USP42: variants seen among roughly 807,000 people sequenced by gnomAD.
The protein encoded by USP42 is ubiquitin specific peptidase 42.
USP42 carries 23 observed loss-of-function variants against 113.0 expected under a neutral mutation model. The observed-to-expected ratio is 0.20, with a 90% CI of 0.15 to 0.29. The LOEUF is 0.29. USP42 is among the 10% of genes least tolerant of loss of function. The pLI is 1.00. For synonymous variants in USP42, 933 were observed against 699.0 expected, an observed-to-expected ratio of 1.33 and a Z score of -5.28; for missense variants, 2,174 against 1,779.8, an observed-to-expected ratio of 1.22 and a Z score of -3.99.
intron 3 of USP42, among the ~76,000 whole-genome samples, chr7:6,128,540 C>T (rs896871606): frequency 3.9e-5 from 6 of 152,108 alleles, no homozygotes; most frequent in East Asian, 3.8e-4. Context: ...CTGTAAACAG[C>T]GTATCGTTGG....
In USP42 at chr7:6,161,333, A is replaced by G. The variant is rs560672191; in HGVS notation, c.*815A>G. 17 of 152,690 alleles carry G rather than the reference A, an allele frequency of 1.1e-4. No homozygotes were observed. The highest frequency in any genetic ancestry group is 8.5e-4 in the Admixed American group (13 of 15,246). The allele number at this position is 152,690 out of a possible 1,614,324, so 9.5% of individuals were successfully genotyped here. ...ATTTTATTTTTAATATGGATATGCTATCAAACTGTGATACACTTATAATTC... is the reference window on the plus strand; with the variant it reads ...ATTTTATTTTTAATATGGATATGCTGTCAAACTGTGATACACTTATAATTC... On this transcript the variant is annotated 3_prime_UTR_variant, in exon 18 of 18. Transcript: ENST00000306177.
chr7:6,146,368 A>T (rs1229522768), intron 11 of USP42, 120 bp downstream of exon 11: 1 of 708,734 alleles, frequency 1.4e-6, no homozygotes, highest in Admixed American at 3.2e-5. Flanking sequence ...CAGCTTAAAG[A>T]TCAACTCTAG....
chr7:6,157,208 GC>G lies in USP42; in HGVS notation c.3943+154del. On this transcript the variant is annotated intron_variant, in intron 16 of 17. Coordinates refer to ENST00000306177, the MANE Select transcript of USP42 (RefSeq NM_032172.3). The surrounding 1 kb of genome is among the most constrained non-coding windows in gnomAD (Gnocchi z 4.1). ...CTGCCCTGCCTGGTCTGGCCTCAGT[GC>G]TCATCCCTGCAGTGTGGTTCCGTTG... 5 of 1,425,884 alleles carry G rather than the reference GC, an allele frequency of 3.5e-6. No homozygotes were observed. The highest frequency in any genetic ancestry group is 4.6e-6 in the Non-Finnish European group (5 of 1,095,032). 88.3% of individuals were successfully genotyped at this position (1,425,884 alleles called of 1,614,324 possible).
chr7:6,129,525 C>G (rs1780727144), intron 3 of USP42, among the ~76,000 whole-genome samples: 1 of 146,626 alleles, frequency 6.8e-6, no homozygotes, highest in Non-Finnish European at 1.5e-5. Context: ...CTACTGCACT[C>G]CAGGCTGGGT....
At chr7:6,083,475 C>G in the USP42 span, among the ~76,000 whole-genome samples, 2 of 149,786 alleles carry the variant, frequency 1.3e-5, no homozygotes, top group Non-Finnish European at 2.9e-5. Flanking sequence ...AGGCTGGTCT[C>G]AAACTCCTGA....
chr7:6,116,732 C>T (rs763013666), intron 3 of USP42: 39 of 530,618 alleles, frequency 7.3e-5, no homozygotes, highest in Non-Finnish European at 1.5e-4. Flanking sequence ...TCACCACCTA[C>T]CTAGGGGTGT....
At chr7:6,087,826 CAT>C in the USP42 span, among the ~76,000 whole-genome samples, 1 of 151,190 alleles carries the variant, frequency 6.6e-6, no homozygotes, top group African/African-American at 2.5e-5. Flanking sequence ...CCCAGAGGAA[CAT>C]ATGTTTGATA....
In USP42 at chr7:6,137,678, GT is replaced by G. The variant is rs1781220797; in HGVS notation, c.554-1409del. Reference sequence around the variant, plus strand: ...TGGCTATTTATACATGTATTTATTTGTTTTTATTCATTTATTTTTGAGATGG... The same window carrying G: ...TGGCTATTTATACATGTATTTATTTGTTTTATTCATTTATTTTTGAGATGG... On this transcript the variant is annotated intron_variant, in intron 4 of 17. Coordinates refer to ENST00000306177, the MANE Select transcript of USP42 (RefSeq NM_032172.3). Among the ~76,000 whole-genome samples the G allele has an allele frequency of 5.3e-5, 8 of 151,192 alleles. No individual in the cohort carries two copies. The South Asian group carries it at 1.7e-3, about 32-fold the overall frequency.
Position 6,160,626 on chromosome 7 carries a change from A to T in USP42, c.*108A>T, listed in dbSNP as rs981713255. The T allele has an allele frequency of 6.6e-6, 1 of 152,646 alleles. No homozygotes were observed. Among genetic ancestry groups the T allele is most frequent in the South Asian group, 2.1e-4 (1 of 4,836 alleles). The allele number at this position is 152,646 out of a possible 1,614,324, so 9.5% of individuals were successfully genotyped here. A position where few individuals can be genotyped will look rare whatever the true frequency, so the allele number is the denominator to read the frequency against. ...AAAGATAGACAATAACTCTGTTCCA[A>T]TCTGCGTGGTGCTTCTTTAGTAAAT... On this transcript the variant is annotated 3_prime_UTR_variant, in exon 18 of 18. Coordinates refer to ENST00000306177, the MANE Select transcript of USP42 (RefSeq NM_032172.3).
intron 3 of USP42, among the ~76,000 whole-genome samples, chr7:6,131,516 A>G (rs1780850705): frequency 6.6e-6 from 1 of 152,072 alleles, no homozygotes; most frequent in African/African-American, 2.4e-5. Context: ...TAATATACAG[A>G]AAAAAATACA....
rs1481846220 is a variant in USP42, at chr7:6,157,868, C to A, written c.3943+813C>A. Among the ~76,000 whole-genome samples the A allele has an allele frequency of 6.6e-6, 1 of 152,160 alleles. No individual in the cohort carries two copies. Among genetic ancestry groups the A allele is most frequent in the Admixed American group, 6.5e-5 (1 of 15,282 alleles). ...CTTCTGCCCTGTGGGGCTGTGTCTC[C>A]GTCCTGTGGCCACACGCTGTGCTCT... On this transcript the variant is annotated intron_variant, in intron 16 of 17. Transcript: ENST00000306177. The surrounding 1 kb of genome is among the most constrained non-coding windows in gnomAD (Gnocchi z 4.1).
At chr7:6,083,011 C>T in the USP42 span, among the ~76,000 whole-genome samples, 1 of 148,600 alleles carries the variant, frequency 6.7e-6, no homozygotes, top group African/African-American at 2.5e-5. Flanking sequence ...GCAACCTCTG[C>T]CTCCTGGGTT....
intron 2 of USP42, among the ~76,000 whole-genome samples, chr7:6,114,545 T>G (rs1322154421): frequency 1.3e-5 from 2 of 150,776 alleles, no homozygotes; most frequent in Admixed American, 6.6e-5. Context: ...ATCAAAAATG[T>G]ATTTACATGA....
At chr7:6,122,298 T>A (rs886233650) in intron 3 of USP42, among the ~76,000 whole-genome samples, 1 of 143,754 alleles carries the variant, frequency 7.0e-6, no homozygotes, top group South Asian at 2.2e-4. Context: ...TTTTTTTTTT[T>A]AAAGACAGGG....
In USP42 at chr7:6,107,660, C is replaced by T. The variant is rs186679079; in HGVS notation, c.-10+2628C>T. Among the ~76,000 whole-genome samples, 606 of 152,190 alleles carry T rather than the reference C, an allele frequency of 4.0e-3. 2 individuals are homozygous for T. Among genetic ancestry groups the T allele is most frequent in the African/African-American group, 0.014 (580 of 41,530 alleles). On this transcript the variant is annotated intron_variant, in intron 1 of 17. Transcript: ENST00000306177. ...CTGATTTCAGGTGATCTGCCCGCCT[C>T]GTCCTCCCAAAGTGCTGGGATTACA...
At chr7:6,119,017 C>T (rs908212172) in intron 3 of USP42, among the ~76,000 whole-genome samples, 2 of 151,588 alleles carry the variant, frequency 1.3e-5, no homozygotes, top group Non-Finnish European at 2.9e-5. Flanking sequence ...GAGTTTGAGA[C>T]CAGCCTGGGC....
the USP42 span, among the ~76,000 whole-genome samples, chr7:6,082,980 G>C: frequency 0.029 from 4,232 of 147,806 alleles, 239 homozygotes; most frequent in Middle Eastern, 0.064. Flanking sequence ...ATTTTATTTT[G>C]AGATGGAGTC....
At chr7:6,111,413 C>G (rs968876367) in intron 2 of USP42, 39 bp downstream of exon 2, 1 of 1,598,988 alleles carries the variant, frequency 6.3e-7, no homozygotes, top group South Asian at 1.1e-5. Flanking sequence ...GCCAGAAACT[C>G]CTGTGTAAAT....
Position 6,146,379 on chromosome 7 carries a change from C to T in USP42, c.1232+131C>T, listed in dbSNP as rs1482339071. 7.6e-6 allele frequency: 5 copies of T among 661,044 alleles called. 1 individual carries two copies. The allele number at this position is 661,044 out of a possible 1,614,324, so 40.9% of individuals were successfully genotyped here. ...CCAGCAGCTTAAAGATCAACTCTAG[C>T]CTGGGCATGGTGCCTCACGCCTATA... On this transcript the variant is annotated intron_variant, in intron 11 of 17. Coordinates refer to ENST00000306177, the MANE Select transcript of USP42 (RefSeq NM_032172.3).
Sources: gnomAD v4.1 joint callset for allele counts (sites outside exome capture counted in the v4.1 genomes callset) on GRCh38, gnomAD v4.1.1 for gene constraint, Gnocchi (gnomAD v3.1) non-coding constraint, MANE v1.5 for transcripts, NCBI Gene and HGNC (gene_info 2026-07-23, HGNC 2026-07-21) for gene names.